The following RHOH variants were observed in gnomAD, a reference collection of about 807,000 sequenced individuals.
RHOH encodes the protein rho-related GTP-binding protein RhoH.
In RHOH, 6 loss-of-function variants were observed where a neutral mutation model predicts 13.8. The ratio of observed to expected loss-of-function variants is 0.44; its 90% confidence interval spans 0.24 to 0.86. The LOEUF (loss-of-function observed/expected upper bound fraction) is 0.86, where lower values mean the gene tolerates loss of function less well. RHOH is among the 40% of genes least tolerant of loss of function. The probability of loss-of-function intolerance (pLI) is 0.24; values close to 1 mark genes in which losing one functional copy is unlikely to be tolerated. For missense variants in RHOH, 147 were observed against 244.5 expected (o/e 0.60, Z 2.66); for synonymous variants, 117 against 103.0 (o/e 1.14, Z -0.82).
At chr4:40,201,046 A>G (rs1179367767) in intron 1 of RHOH, among the ~76,000 whole-genome samples, 1 of 152,232 alleles carries the variant, frequency 6.6e-6, no homozygotes, top group Non-Finnish European at 1.5e-5. Flanking sequence ...AACCCAAGGA[A>G]GAGAGTGGTT....
rs956870980 is a variant in RHOH, at chr4:40,218,578, G to A, written c.-331+21278G>A. ...GCTAGGGAAGTCAAGGAAGGCATGAGGAACAGCTTGGGAGGGGAAAAAGTT... is the reference window on the plus strand; with the variant it reads ...GCTAGGGAAGTCAAGGAAGGCATGAAGAACAGCTTGGGAGGGGAAAAAGTT... On this transcript the variant is annotated intron_variant, in intron 1 of 2. Coordinates refer to ENST00000381799, the MANE Select transcript of RHOH (RefSeq NM_004310.5). This position sits in a 1 kb window ranked among gnomAD's most constrained non-coding sequence, Gnocchi z 4.1. 2.6e-5 allele frequency among the ~76,000 whole-genome samples: 4 copies of A among 152,216 alleles called. No individual in the cohort carries two copies. Among genetic ancestry groups the A allele is most frequent in the Non-Finnish European group, 5.9e-5 (4 of 68,040 alleles).
rs368622526 is a variant in RHOH, at chr4:40,243,764, C to G, written c.378C>G (p.His126Gln). Residue 126 changes from histidine (H) to glutamine (Q), a missense_variant, in exon 3 of 3, where the codon CAC (histidine) becomes CAG (glutamine). His to Gln is a conservative substitution (Grantham distance 24, BLOSUM62 0). Coordinates refer to ENST00000381799, the MANE Select transcript of RHOH (RefSeq NM_004310.5). This position sits in a 1 kb window ranked among gnomAD's most constrained non-coding sequence, Gnocchi z 6.2. The part of the protein sequence containing the change: ...TQTDQREMGP[H>Q]RASCVNAMEG... Reference sequence around the variant, plus strand: ...CTGACCAGCGGGAGATGGGGCCCCACAGGGCCTCCTGCGTCAATGCCATGG... The same window carrying G: ...CTGACCAGCGGGAGATGGGGCCCCAGAGGGCCTCCTGCGTCAATGCCATGG... 2 of 1,614,080 alleles carry G rather than the reference C, an allele frequency of 1.2e-6. No individual in the cohort carries two copies. The highest frequency in any genetic ancestry group is 1.7e-6 in the Non-Finnish European group (2 of 1,180,024).
chr4:40,233,878 A>T (rs940314211), intron 1 of RHOH, among the ~76,000 whole-genome samples: 3 of 151,948 alleles, frequency 2.0e-5, no homozygotes, highest in Non-Finnish European at 1.5e-5. Context: ...GTGAGCCGGG[A>T]TCATGCCACT....
chr4:40,212,935 T>A (rs180909682), intron 1 of RHOH: 47 of 152,302 alleles, frequency 3.1e-4, no homozygotes, highest in African/African-American at 1.1e-3. Flanking sequence ...TCCTTTGCCA[T>A]CTCCCTATAG....
chr4:40,227,478 C>T (rs1262645446), intron 1 of RHOH, among the ~76,000 whole-genome samples: 1 of 152,142 alleles, frequency 6.6e-6, no homozygotes, highest in African/African-American at 2.4e-5. Flanking sequence ...TCTCTCAAGT[C>T]CTTGGTTTCC....
chr4:40,236,788 TAA>T (rs368852835), intron 1 of RHOH, among the ~76,000 whole-genome samples: 6 of 142,448 alleles, frequency 4.2e-5, no homozygotes, highest in Admixed American at 7.1e-5. Flanking sequence ...GAGACTCCAT[TAA>T]AAAAAAAAAA....
intron 1 of RHOH, among the ~76,000 whole-genome samples, chr4:40,220,418 G>A (rs372054180): frequency 3.3e-5 from 5 of 151,872 alleles, no homozygotes; most frequent in African/African-American, 7.3e-5. Context: ...TCATTTATAC[G>A]CAGAACATTG....
chr4:40,216,259 A>G (rs1323643114), intron 1 of RHOH, among the ~76,000 whole-genome samples: 1 of 151,634 alleles, frequency 6.6e-6, no homozygotes, highest in Non-Finnish European at 1.5e-5. Flanking sequence ...GCTTGAGCTC[A>G]GGAGTTTGAG....
chr4:40,210,999 G>C (rs932612450), intron 1 of RHOH, among the ~76,000 whole-genome samples: 1 of 152,180 alleles, frequency 6.6e-6, no homozygotes, highest in Non-Finnish European at 1.5e-5. Context: ...ATGACAAAGA[G>C]AGGCACAGGT....
intron 1 of RHOH, among the ~76,000 whole-genome samples, chr4:40,200,996 CTG>C (rs1723900865): frequency 6.6e-6 from 1 of 152,224 alleles, no homozygotes. Context: ...TCTCGTAAAA[CTG>C]AAGTCACAGT....
At chr4:40,230,816 G>T (rs1047698976) in intron 1 of RHOH, among the ~76,000 whole-genome samples, 1 of 152,048 alleles carries the variant, frequency 6.6e-6, no homozygotes, top group East Asian at 1.9e-4. Context: ...CTTTAAAAGG[G>T]AATCAGAAGT....
upstream of RHOH, among the ~76,000 whole-genome samples, chr4:40,193,967 T>C (rs1722880423): frequency 6.6e-6 from 1 of 152,142 alleles, no homozygotes; most frequent in Admixed American, 6.5e-5. Flanking sequence ...TTTCTTGCTT[T>C]GTTTCCCAAA....
intron 1 of RHOH, among the ~76,000 whole-genome samples, chr4:40,237,776 C>T (rs10019892): frequency 0.49 from 74,796 of 151,596 alleles, 21,173 homozygotes; most frequent in Non-Finnish European, 0.64. Context: ...CCCCAACTGG[C>T]GATGGACTCA....
intron 1 of RHOH, among the ~76,000 whole-genome samples, chr4:40,217,016 C>T (rs1725971299): frequency 1.3e-5 from 2 of 152,182 alleles, no homozygotes; most frequent in Non-Finnish European, 2.9e-5. Flanking sequence ...TTCTAGCATG[C>T]TGAGCAGGAT....
chr4:40,220,563 C>A (rs375166521), intron 1 of RHOH, among the ~76,000 whole-genome samples: 2 of 151,668 alleles, frequency 1.3e-5, no homozygotes, highest in African/African-American at 4.8e-5. Flanking sequence ...ATCATTTCTT[C>A]TATAGAGAAA....
intron 1 of RHOH, among the ~76,000 whole-genome samples, chr4:40,236,132 T>G (rs1292773873): frequency 1.3e-5 from 2 of 152,222 alleles, no homozygotes; most frequent in African/African-American, 2.4e-5. Context: ...CTGCCAATGC[T>G]TTGAAGTCAG....
intron 1 of RHOH, among the ~76,000 whole-genome samples, chr4:40,201,111 T>A (rs1723916797): frequency 6.6e-6 from 1 of 152,198 alleles, no homozygotes; most frequent in Non-Finnish European, 1.5e-5. Context: ...CGTATAGTCA[T>A]CCATTCAGTG....
chr4:40,237,631 C>CATTT (rs200686624), intron 1 of RHOH, among the ~76,000 whole-genome samples: 1,704 of 152,248 alleles, frequency 0.011, 25 homozygotes, highest in Admixed American at 0.012. Flanking sequence ...ACTTCCTGGC[C>CATTT]ATTTAATTGT....
chr4:40,224,401 C>T (rs1335083218), intron 1 of RHOH, among the ~76,000 whole-genome samples: 5 of 152,150 alleles, frequency 3.3e-5, no homozygotes, highest in South Asian at 2.1e-4. Flanking sequence ...ATCAGTACAA[C>T]GTGTTGAAAG....
Sources: allele counts gnomAD v4.1 joint callset (sites outside exome capture counted in the v4.1 genomes callset), GRCh38; gene constraint gnomAD v4.1.1; non-coding constraint Gnocchi (gnomAD v3.1); transcripts MANE v1.5; gene names NCBI Gene and HGNC (gene_info 2026-07-23, HGNC 2026-07-21).